The following TOX variants were observed in gnomAD, a reference collection of about 807,000 sequenced individuals.
TOX encodes thymocyte selection associated high mobility group box, also known as thymocyte selection-associated high mobility group box protein TOX.
In TOX, 11 loss-of-function variants were observed where a neutral mutation model predicts 53.7. The ratio of observed to expected loss-of-function variants is 0.20; its 90% confidence interval spans 0.13 to 0.34. TOX has a LOEUF of 0.34. Among genes scored for constraint, TOX ranks in the 10% least tolerant of loss-of-function variants. The probability of loss-of-function intolerance (pLI) is 1.00; values close to 1 mark genes in which losing one functional copy is unlikely to be tolerated. For missense variants in TOX, 570 were observed against 664.6 expected (o/e 0.86, Z 1.56); for synonymous variants, 225 against 245.3 (o/e 0.92, Z 0.77).
chr8:58,814,477 G>C (rs1488914742), intron 7 of TOX: 1 of 152,154 alleles, frequency 6.6e-6, no homozygotes, highest in East Asian at 1.9e-4. Context: ...GCAGGGTAGT[G>C]GGAGAAGCTT....
chr8:59,079,557 C>G (rs1431786524), intron 1 of TOX, among the ~76,000 whole-genome samples: 1 of 152,200 alleles, frequency 6.6e-6, no homozygotes, highest in Non-Finnish European at 1.5e-5. Flanking sequence ...TGGCACCTTT[C>G]ATGTGGTGTT....
intron 1 of TOX, among the ~76,000 whole-genome samples, chr8:59,112,275 A>G (rs1805029685): frequency 6.6e-6 from 1 of 152,234 alleles, no homozygotes; most frequent in Admixed American, 6.5e-5. Flanking sequence ...ATTCAGGTTA[A>G]TGTGAATTCC....
Position 59,118,972 on chromosome 8 carries a change from A to G in TOX, c.16T>C (p.Tyr6His). MDVRFYPPPAQPAAAP... is the reference protein window; with the variant it reads MDVRFHPPPAQPAAAP... ...GCGGCGGGCTGGGCTGGAGGTGGAT[A>G]AAATCTTACGTCCATTTCACTCTCA... Residue 6 changes from tyrosine to histidine, a missense_variant, in exon 1 of 9, where the codon TAT (tyrosine) becomes CAT (histidine). Transcript: ENST00000361421. This position sits in a 1 kb window ranked among gnomAD's most constrained non-coding sequence, Gnocchi z 4.1. 1 of 1,603,670 alleles carries G rather than the reference A, an allele frequency of 6.2e-7. No homozygotes were observed. The highest frequency in any genetic ancestry group is 8.5e-7 in the Non-Finnish European group (1 of 1,174,296).
intron 1 of TOX, among the ~76,000 whole-genome samples, chr8:59,094,636 G>A (rs757990361): frequency 1.4e-4 from 22 of 151,792 alleles, no homozygotes; most frequent in Non-Finnish European, 2.6e-4. Flanking sequence ...GAAAGACTTC[G>A]TAATTCAAAT....
At chr8:59,114,648 A>ATGATGCTC (rs1405965639) in intron 1 of TOX, among the ~76,000 whole-genome samples, 2 of 152,218 alleles carry the variant, frequency 1.3e-5, no homozygotes, top group East Asian at 3.9e-4. Flanking sequence ...CTAATCAAGC[A>ATGATGCTC]TGATGCTCTA....
At chr8:58,872,177 T>C (rs6992117) in intron 3 of TOX, among the ~76,000 whole-genome samples, 38,367 of 151,956 alleles carry the variant, frequency 0.25, 5,864 homozygotes, top group African/African-American at 0.44. Flanking sequence ...CCACCTAAAA[T>C]AGCCTCATTG....
intron 1 of TOX, among the ~76,000 whole-genome samples, chr8:59,097,711 A>G (rs10097558): frequency 0.098 from 14,971 of 152,220 alleles, 958 homozygotes; most frequent in Middle Eastern, 0.2. Context: ...ACAGGATGGT[A>G]TAGAAAGTCT....
intron 1 of TOX, among the ~76,000 whole-genome samples, chr8:59,095,066 C>T (rs1286206541): frequency 6.6e-6 from 1 of 152,320 alleles, no homozygotes; most frequent in South Asian, 2.1e-4. Context: ...TCATCATTTA[C>T]AGATGTCTTA....
intron 1 of TOX, among the ~76,000 whole-genome samples, chr8:58,987,385 A>G (rs1813352322): frequency 1.3e-5 from 2 of 152,232 alleles, no homozygotes; most frequent in South Asian, 4.1e-4. Context: ...CGTGCTAGGA[A>G]ATAAACCTTT....
intron 3 of TOX, among the ~76,000 whole-genome samples, chr8:58,856,231 T>C (rs930191674): frequency 5.3e-5 from 8 of 152,200 alleles, no homozygotes; most frequent in Admixed American, 3.9e-4. Flanking sequence ...AGAACCTTCT[T>C]ATTCTGAATT....
chr8:58,932,959 C>T (rs1255155911), intron 3 of TOX, among the ~76,000 whole-genome samples: 1 of 152,168 alleles, frequency 6.6e-6, no homozygotes, highest in Non-Finnish European at 1.5e-5. Context: ...ATAAACCCCC[C>T]AATTTTATTG....
At chr8:59,061,287 T>C (rs1803979985) in intron 1 of TOX, among the ~76,000 whole-genome samples, 2 of 152,204 alleles carry the variant, frequency 1.3e-5, no homozygotes, top group African/African-American at 4.8e-5. Context: ...AAATAATCAA[T>C]GTGGATCATC....
chr8:59,042,000 G>C (rs532868039), intron 1 of TOX, among the ~76,000 whole-genome samples: 9 of 152,216 alleles, frequency 5.9e-5, no homozygotes, highest in South Asian at 2.1e-4. Context: ...CAGATCAAAT[G>C]CAACTGAAAA....
At chr8:58,811,475 C>G (rs1810074107) in intron 7 of TOX, among the ~76,000 whole-genome samples, 1 of 152,220 alleles carries the variant, frequency 6.6e-6, no homozygotes, top group African/African-American at 2.4e-5. Context: ...CCGAAAAAGC[C>G]TGCAGCACAA....
chr8:58,830,560 C>T (rs2129166199), intron 5 of TOX, among the ~76,000 whole-genome samples: 1 of 152,274 alleles, frequency 6.6e-6, no homozygotes, highest in Admixed American at 6.5e-5. Flanking sequence ...CCCATACAAT[C>T]TGTCATTTTC....
intron 1 of TOX, among the ~76,000 whole-genome samples, chr8:59,109,813 G>A (rs1267946716): frequency 1.3e-5 from 2 of 152,098 alleles, no homozygotes; most frequent in Admixed American, 6.6e-5. Flanking sequence ...TTTGTGGGAC[G>A]TACTTACAGG....
intron 3 of TOX, among the ~76,000 whole-genome samples, chr8:58,866,504 G>C (rs1811104398): frequency 6.6e-6 from 1 of 152,112 alleles, no homozygotes. Context: ...ACTTACCTTT[G>C]GACACAAATT....
At chr8:59,034,810 G>A in intron 1 of TOX, among the ~76,000 whole-genome samples, 1 of 152,236 alleles carries the variant, frequency 6.6e-6, no homozygotes, top group East Asian at 1.9e-4. Flanking sequence ...TTATGTGCCA[G>A]GTGCCATTCA....
chr8:58,843,915 T>C (rs1810682800), intron 4 of TOX, among the ~76,000 whole-genome samples: 1 of 152,204 alleles, frequency 6.6e-6, no homozygotes, highest in African/African-American at 2.4e-5. Flanking sequence ...GGATCCATTT[T>C]CATGTCAGTA....
Sources: gnomAD v4.1 joint callset for allele counts (sites outside exome capture counted in the v4.1 genomes callset) on GRCh38, gnomAD v4.1.1 for gene constraint, Gnocchi (gnomAD v3.1) non-coding constraint, MANE v1.5 for transcripts, NCBI Gene and HGNC (gene_info 2026-07-23, HGNC 2026-07-21) for gene names.